Variants in HSD17B12 observed in about 807,000 individuals in gnomAD.
HSD17B12 encodes the protein hydroxysteroid 17-beta dehydrogenase 12.
In HSD17B12, 32 loss-of-function variants were observed where a neutral mutation model predicts 39.3. That is an observed-to-expected ratio of 0.81 (90% CI 0.61 to 1.09). HSD17B12 has a LOEUF of 1.09. Among genes scored for constraint, HSD17B12 ranks in the 50% least tolerant of loss-of-function variants. The probability of loss-of-function intolerance (pLI) is 0.00; values close to 1 mark genes in which losing one functional copy is unlikely to be tolerated. For synonymous variants in HSD17B12, 150 were observed against 146.7 expected (o/e 1.02, Z -0.16); for missense variants, 342 against 382.9 (o/e 0.89, Z 0.89).
chr11:43,759,319 T>G (rs895013135), intron 3 of HSD17B12, among the ~76,000 whole-genome samples: 10 of 152,060 alleles, frequency 6.6e-5, no homozygotes, highest in African/African-American at 2.2e-4. Flanking sequence ...TTAAGAAAAA[T>G]TTTGAATGGA....
chr11:43,681,834 C>G (rs866659637), intron 1 of HSD17B12, among the ~76,000 whole-genome samples: 1 of 142,236 alleles, frequency 7.0e-6, no homozygotes, highest in African/African-American at 2.7e-5. Flanking sequence ...TCCCCCCCCC[C>G]TTTTTTTTTT....
chr11:43,780,565 G>A (rs572961813), intron 3 of HSD17B12, among the ~76,000 whole-genome samples: 1 of 152,096 alleles, frequency 6.6e-6, no homozygotes, highest in Non-Finnish European at 1.5e-5. Flanking sequence ...GGCTGCTCAG[G>A]ATATCATCTC....
chr11:43,716,555 C>A (rs1448340015), intron 1 of HSD17B12, among the ~76,000 whole-genome samples: 2 of 151,776 alleles, frequency 1.3e-5, no homozygotes, highest in Non-Finnish European at 2.9e-5. Flanking sequence ...ATTTCGCAAA[C>A]CCTTATTGAT....
chr11:43,637,217 CTTTTTTTTTT>C, the HSD17B12 span, among the ~76,000 whole-genome samples: 3 of 109,470 alleles, frequency 2.7e-5, no homozygotes, highest in East Asian at 3.1e-4. Context: ...GGTGTTTTTC[CTTTTTTTTTT>C]TTTTTTTTTT....
chr11:43,807,520 A>C (rs907274988), intron 4 of HSD17B12, among the ~76,000 whole-genome samples: 2 of 152,246 alleles, frequency 1.3e-5, no homozygotes, highest in African/African-American at 4.8e-5. Context: ...AGATCATGAA[A>C]GTCTGAGAAA....
chr11:43,771,047 T>A (rs1950644181), intron 3 of HSD17B12, among the ~76,000 whole-genome samples: 1 of 152,238 alleles, frequency 6.6e-6, no homozygotes. Context: ...GGTTAGTGAG[T>A]GATTAGAGAG....
At chr11:43,852,661 A>G (rs1951543250) in intron 9 of HSD17B12, 1 of 152,008 alleles carries the variant, frequency 6.6e-6, no homozygotes, top group Non-Finnish European at 1.5e-5. Context: ...TGCATTTCCT[A>G]CTCAGTCTGA....
intron 1 of HSD17B12, among the ~76,000 whole-genome samples, chr11:43,706,098 G>A (rs989500816): frequency 1.3e-5 from 2 of 152,066 alleles, no homozygotes; most frequent in Non-Finnish European, 2.9e-5. Flanking sequence ...TCCCTGGTGG[G>A]GTGGGGGTGT....
At chr11:43,679,004 G>T (rs1322639310), upstream of HSD17B12, among the ~76,000 whole-genome samples, 2 of 152,166 alleles carry the variant, frequency 1.3e-5, no homozygotes, top group East Asian at 1.9e-4. Context: ...GGATGGCATT[G>T]AATCTATACA....
At chr11:43,573,853 A>C in the HSD17B12 span, among the ~76,000 whole-genome samples, 1 of 152,198 alleles carries the variant, frequency 6.6e-6, no homozygotes, top group Non-Finnish European at 1.5e-5. Context: ...GTTTAGCCTG[A>C]CATTTTCATT....
intron 4 of HSD17B12, among the ~76,000 whole-genome samples, chr11:43,799,721 C>G (rs754957732): frequency 6.6e-6 from 1 of 152,154 alleles, no homozygotes; most frequent in African/African-American, 2.4e-5. Flanking sequence ...CATTTTCTAA[C>G]ATTTCTTTAG....
At chr11:43,824,480 C>T (rs887844649) in intron 6 of HSD17B12, among the ~76,000 whole-genome samples, 12 of 152,164 alleles carry the variant, frequency 7.9e-5, no homozygotes, top group Non-Finnish European at 1.3e-4. Context: ...ATCAGTGCCC[C>T]ACCAGATTTG....
intron 3 of HSD17B12, among the ~76,000 whole-genome samples, chr11:43,792,630 G>A (rs1406142021): frequency 1.3e-5 from 2 of 149,694 alleles, no homozygotes; most frequent in Non-Finnish European, 3.0e-5. Context: ...GAGAATGATA[G>A]TCCAGACCCG....
At chr11:43,849,413 A>G (rs1590349494) in intron 9 of HSD17B12, among the ~76,000 whole-genome samples, 1 of 152,172 alleles carries the variant, frequency 6.6e-6, no homozygotes, top group East Asian at 1.9e-4. Flanking sequence ...TATGACCCTC[A>G]ATGTTCTGAT....
chr11:43,818,888 G>A (rs1951155107), intron 6 of HSD17B12, among the ~76,000 whole-genome samples: 1 of 152,024 alleles, frequency 6.6e-6, no homozygotes, highest in Admixed American at 6.6e-5. Context: ...TTATTTTTTA[G>A]CAAGCAAAGG....
At chr11:43,717,231 G>T (rs2134853234) in intron 1 of HSD17B12, among the ~76,000 whole-genome samples, 1 of 152,234 alleles carries the variant, frequency 6.6e-6, no homozygotes, top group East Asian at 1.9e-4. Flanking sequence ...ATTCCATGAG[G>T]ACTTTAATTC....
the HSD17B12 span, among the ~76,000 whole-genome samples, chr11:43,672,260 A>G: frequency 6.6e-6 from 1 of 152,006 alleles, no homozygotes; most frequent in African/African-American, 2.4e-5. Flanking sequence ...CGTGTTAGCC[A>G]GGATGGTGTC....
upstream of HSD17B12, among the ~76,000 whole-genome samples, chr11:43,676,003 T>C (rs1236719065): frequency 2.6e-5 from 4 of 151,922 alleles, no homozygotes; most frequent in African/African-American, 4.8e-5. Context: ...CCCCAGCTAA[T>C]TGGGAGGCTG....
intron 7 of HSD17B12, chr11:43,834,024 A>C (rs749800766): frequency 1.3e-5 from 2 of 152,196 alleles, no homozygotes; most frequent in Non-Finnish European, 2.9e-5. Flanking sequence ...TGTATTGCTT[A>C]AGGTGGAATT....
Sources: allele counts gnomAD v4.1 joint callset (sites outside exome capture counted in the v4.1 genomes callset), GRCh38; gene constraint gnomAD v4.1.1; transcripts MANE v1.5; gene names NCBI Gene and HGNC (gene_info 2026-07-23, HGNC 2026-07-21).